SLC4A4: variants seen among roughly 807,000 people sequenced by gnomAD.
SLC4A4 encodes solute carrier family 4 member 4.
In SLC4A4, 27 loss-of-function variants were observed where a neutral mutation model predicts 111.5. That is an observed-to-expected ratio of 0.24 (90% confidence interval 0.18 to 0.33). The LOEUF is 0.33. SLC4A4 is among the 10% of genes least tolerant of loss of function. SLC4A4 has a pLI of 1.00. For missense variants in SLC4A4, 909 were observed against 1,315.5 expected (o/e 0.69, Z 4.78); for synonymous variants, 443 against 463.4 (o/e 0.96, Z 0.57).
At chr4:71,072,337 C>T (rs966159655) in intron 1 of SLC4A4, among the ~76,000 whole-genome samples, 1 of 152,128 alleles carries the variant, frequency 6.6e-6, no homozygotes, top group African/African-American at 2.4e-5. Context: ...TCCATCTTTT[C>T]CTCCACTGGT....
chr4:71,267,513 T>A (rs1350129929), intron 3 of SLC4A4, among the ~76,000 whole-genome samples: 2 of 152,074 alleles, frequency 1.3e-5, no homozygotes, highest in Non-Finnish European at 2.9e-5. Flanking sequence ...GAGAGTTCCA[T>A]CTAAAAAATA....
At chr4:71,519,792 G>A (rs888147279) in intron 16 of SLC4A4, among the ~76,000 whole-genome samples, 2 of 152,012 alleles carry the variant, frequency 1.3e-5, no homozygotes, top group African/African-American at 4.8e-5. Context: ...ACACCACCAT[G>A]CCCAGCATAT....
intron 1 of SLC4A4, among the ~76,000 whole-genome samples, chr4:71,194,663 T>G (rs1474839280): frequency 6.6e-6 from 1 of 152,186 alleles, no homozygotes; most frequent in African/African-American, 2.4e-5. Context: ...ACACTGCTCT[T>G]CACTCCATGA....
In SLC4A4 at chr4:71,439,211, G is replaced by A. The variant is rs1009283078; in HGVS notation, c.808-1405G>A. On this transcript the variant is annotated intron_variant, in intron 7 of 25. Coordinates refer to ENST00000264485, the MANE Select transcript of SLC4A4 (RefSeq NM_001098484.3). ...TGGGAGGCTGAGGCGGGTGGATCCC[G>A]AGGTCAGGAGTTCGAGACCAGCCTG... Among the ~76,000 whole-genome samples the A allele has an allele frequency of 8.6e-5, 13 of 151,392 alleles. No homozygotes were observed. In the South Asian group the frequency reaches 2.3e-3, roughly 27 times the overall value.
intron 7 of SLC4A4, among the ~76,000 whole-genome samples, chr4:71,411,307 T>C (rs915364761): frequency 1.3e-5 from 2 of 152,166 alleles, no homozygotes; most frequent in Admixed American, 6.5e-5. Context: ...GCAACTGGTG[T>C]TCGCCCATTA....
At chr4:71,324,517 G>A (rs548523719) in intron 3 of SLC4A4, among the ~76,000 whole-genome samples, 2 of 152,088 alleles carry the variant, frequency 1.3e-5, no homozygotes, top group East Asian at 3.9e-4. Flanking sequence ...TACCATCATT[G>A]AGACTACCCC....
In SLC4A4 at chr4:71,539,479, G is replaced by A. The variant is rs189896080; in HGVS notation, c.2442+5091G>A. 2.3e-3 allele frequency among the ~76,000 whole-genome samples: 343 copies of A among 152,208 alleles called. 6 individuals are homozygous for A. The highest frequency in any genetic ancestry group is 3.6e-3 in the Non-Finnish European group (244 of 67,998). On this transcript the variant is annotated intron_variant, in intron 18 of 25. Transcript: ENST00000264485. ...AGCCAGTGCTCTAGTCAAATGAACA[G>A]TTGAGTTTTCCTTAAGCGTGACAGT... is the stretch of plus-strand genomic sequence containing the variant.
chr4:71,500,134 T>A (rs1277970547), intron 16 of SLC4A4, among the ~76,000 whole-genome samples: 1 of 152,180 alleles, frequency 6.6e-6, no homozygotes, highest in East Asian at 1.9e-4. Context: ...AGGTGTGAGG[T>A]CATATCTCAT....
At chr4:71,198,262 A>ATTACATAT (rs1746093715) in intron 1 of SLC4A4, among the ~76,000 whole-genome samples, 1 of 152,250 alleles carries the variant, frequency 6.6e-6, no homozygotes, top group Non-Finnish European at 1.5e-5. Context: ...TTTATTACAT[A>ATTACATAT]TGCATAATAT....
intron 7 of SLC4A4, among the ~76,000 whole-genome samples, chr4:71,402,122 G>A (rs1720422933): frequency 6.6e-6 from 1 of 152,096 alleles, no homozygotes; most frequent in African/African-American, 2.4e-5. Flanking sequence ...GGTCTTTTAA[G>A]GAAATAGACC....
chr4:71,555,166 T>C lies in SLC4A4; in HGVS notation c.2721T>C (p.Gly907=), dbSNP rs1736362572. Residue 907 remains glycine, a synonymous_variant, in exon 21 of 26, where the codon GGT becomes GGC. Transcript: ENST00000264485. ...TTATACCCATGCCTGTACTCTATGGTGTGTTCCTGTATATGGGAGTAGCAT... is the reference window on the plus strand; with the variant it reads ...TTATACCCATGCCTGTACTCTATGGCGTGTTCCTGTATATGGGAGTAGCAT... ...LKFIPMPVLY[G]VFLYMGVASL... The C allele has an allele frequency of 6.2e-7, 1 of 1,610,446 alleles. No homozygotes were observed. Among genetic ancestry groups the C allele is most frequent in the Non-Finnish European group, 8.5e-7 (1 of 1,177,250 alleles).
intron 8 of SLC4A4, among the ~76,000 whole-genome samples, chr4:71,442,268 A>G (rs1724799038): frequency 6.6e-6 from 1 of 152,140 alleles, no homozygotes; most frequent in African/African-American, 2.4e-5. Flanking sequence ...CTGGCTCACT[A>G]ACTTTTTTCT....
chr4:71,126,497 GAT>G (rs1191195312), intron 2 of SLC4A4, among the ~76,000 whole-genome samples: 4 of 152,152 alleles, frequency 2.6e-5, no homozygotes, highest in Non-Finnish European at 4.4e-5. Flanking sequence ...GACATCCTAA[GAT>G]GTGTTCTTTT....
chr4:71,122,205 CAGG>C (rs1386042424), intron 2 of SLC4A4, among the ~76,000 whole-genome samples: 2 of 151,516 alleles, frequency 1.3e-5, no homozygotes, highest in African/African-American at 4.9e-5. Context: ...ACCAGCTACT[CAGG>C]AGGCTGAGGC....
intron 2 of SLC4A4, among the ~76,000 whole-genome samples, chr4:71,173,900 C>A (rs1423830777): frequency 6.6e-6 from 1 of 152,152 alleles, no homozygotes; most frequent in Non-Finnish European, 1.5e-5. Flanking sequence ...CCACTACTAA[C>A]AAGGGGATTT....
intron 1 of SLC4A4, among the ~76,000 whole-genome samples, chr4:71,067,253 G>A (rs990942358): frequency 6.6e-6 from 1 of 151,938 alleles, no homozygotes; most frequent in Non-Finnish European, 1.5e-5. Context: ...ATCTCAAAAA[G>A]GAAAGAGTTT....
At chr4:71,131,404 C>T (rs1322250544) in intron 2 of SLC4A4, among the ~76,000 whole-genome samples, 7 of 152,096 alleles carry the variant, frequency 4.6e-5, no homozygotes, top group Non-Finnish European at 7.3e-5. Context: ...CTGGGAACTG[C>T]GTGACTTAAA....
intron 2 of SLC4A4, among the ~76,000 whole-genome samples, chr4:71,178,184 G>A (rs1001808412): frequency 6.6e-6 from 1 of 152,058 alleles, no homozygotes; most frequent in Non-Finnish European, 1.5e-5. Context: ...AAAGCAGTGT[G>A]TAGAGGGAAA....
chr4:71,070,047 TCA>T (rs1430925003), intron 1 of SLC4A4, among the ~76,000 whole-genome samples: 1 of 152,198 alleles, frequency 6.6e-6, no homozygotes, highest in Non-Finnish European at 1.5e-5. Context: ...GAAGATTTTC[TCA>T]TTTATTTGTT....
Sources: gnomAD v4.1 joint callset for allele counts (sites outside exome capture counted in the v4.1 genomes callset) on GRCh38, gnomAD v4.1.1 for gene constraint, MANE v1.5 for transcripts, NCBI Gene and HGNC (gene_info 2026-07-23, HGNC 2026-07-21) for gene names.